Variants in NEK7 observed in about 807,000 individuals in gnomAD.
NEK7 encodes the protein NIMA related kinase 7.
NEK7 carries 18 observed loss-of-function variants against 44.6 expected under a neutral mutation model. The observed-to-expected ratio is 0.40, with a 90% CI of 0.28 to 0.60. The LOEUF is 0.60. Among genes scored for constraint, NEK7 ranks in the 20% least tolerant of loss-of-function variants. The pLI, the probability that NEK7 is intolerant of heterozygous loss-of-function variation, is 0.38. For missense variants in NEK7, 256 were observed against 366.5 expected, an observed-to-expected ratio of 0.70 and a Z score of 2.46; for synonymous variants, 130 against 121.1, an observed-to-expected ratio of 1.07 and a Z score of -0.48.
At chr1:198,243,166 T>A (rs923718959) in intron 2 of NEK7, among the ~76,000 whole-genome samples, 1 of 152,238 alleles carries the variant, frequency 6.6e-6, no homozygotes, top group Non-Finnish European at 1.5e-5. Flanking sequence ...AAATGTTACA[T>A]CCTCAGCAAG....
chr1:198,207,317 CCTTAA>C (rs1174055319), intron 1 of NEK7: 1 of 152,024 alleles, frequency 6.6e-6, no homozygotes, highest in Non-Finnish European at 1.5e-5. Context: ...TTACATTTAT[CCTTAA>C]CTTATTAAAT....
At chr1:198,308,840 TC>T (rs57847375) in intron 9 of NEK7, among the ~76,000 whole-genome samples, 1 of 152,052 alleles carries the variant, frequency 6.6e-6, no homozygotes, top group African/African-American at 2.4e-5. Flanking sequence ...TAGAATTCTC[TC>T]CCCCCCTTTT....
chr1:198,311,561 A>G (rs2103036111), intron 9 of NEK7, among the ~76,000 whole-genome samples: 1 of 151,722 alleles, frequency 6.6e-6, no homozygotes, highest in East Asian at 2.0e-4. Flanking sequence ...TCAGTATGAT[A>G]TTGGCTGTGG....
intron 2 of NEK7, among the ~76,000 whole-genome samples, chr1:198,251,796 A>G (rs922625313): frequency 6.6e-6 from 1 of 151,996 alleles, no homozygotes; most frequent in Non-Finnish European, 1.5e-5. Flanking sequence ...CTAGCAGTCT[A>G]TCAATTTTGT....
intron 3 of NEK7, among the ~76,000 whole-genome samples, chr1:198,257,029 T>A (rs1037225227): frequency 5.9e-5 from 9 of 152,202 alleles, no homozygotes; most frequent in Admixed American, 5.9e-4. Context: ...ACTCTCATTT[T>A]TAAATAATAC....
At chr1:198,252,417 T>G (rs897070695) in intron 2 of NEK7, among the ~76,000 whole-genome samples, 2 of 151,028 alleles carry the variant, frequency 1.3e-5, no homozygotes, top group African/African-American at 4.9e-5. Context: ...TGAGTTCAAT[T>G]CCTGGGTATC....
intron 1 of NEK7, among the ~76,000 whole-genome samples, chr1:198,194,095 A>G (rs1349644939): frequency 6.6e-6 from 1 of 152,252 alleles, no homozygotes; most frequent in Non-Finnish European, 1.5e-5. Context: ...AAAGCTTCTT[A>G]AGCTGATAAG....
intron 7 of NEK7, among the ~76,000 whole-genome samples, chr1:198,281,143 A>C (rs954429757): frequency 6.6e-6 from 1 of 151,986 alleles, no homozygotes; most frequent in Non-Finnish European, 1.5e-5. Flanking sequence ...GAATCAGGAA[A>C]AATTCTCTGC....
chr1:198,250,742 C>A (rs1652922406), intron 2 of NEK7, among the ~76,000 whole-genome samples: 1 of 144,676 alleles, frequency 6.9e-6, no homozygotes, highest in Non-Finnish European at 1.5e-5. Context: ...TATCCTGAGA[C>A]TTTGCTGAAG....
intron 2 of NEK7, among the ~76,000 whole-genome samples, chr1:198,233,356 A>G (rs952345003): frequency 1.3e-5 from 2 of 152,246 alleles, no homozygotes; most frequent in African/African-American, 4.8e-5. Context: ...CAGTATGAAT[A>G]CTTGTCATAA....
rs542294671 is a variant in NEK7, at chr1:198,223,307, A to G, written c.-28-9246A>G. On this transcript the variant is annotated intron_variant, in intron 1 of 9. Coordinates refer to ENST00000367385, the MANE Select transcript of NEK7 (RefSeq NM_133494.3). ...TGTAGGGTAGTAGTAGTGGTAATGG[A>G]GGAACATGAACAAATTTCAGATATA... Among the ~76,000 whole-genome samples the G allele has an allele frequency of 8.8e-4, 134 of 152,338 alleles. 2 individuals are homozygous for G. The highest frequency in any genetic ancestry group is 3.4e-3 in the Middle Eastern group (1 of 294).
At chr1:198,308,522 A>C (rs1655081309) in intron 9 of NEK7, among the ~76,000 whole-genome samples, 1 of 152,202 alleles carries the variant, frequency 6.6e-6, no homozygotes, top group Non-Finnish European at 1.5e-5. Flanking sequence ...ATTTCTGATG[A>C]ATGCTATTTC....
intron 2 of NEK7, among the ~76,000 whole-genome samples, chr1:198,250,140 C>G (rs1463837523): frequency 6.6e-6 from 1 of 150,542 alleles, no homozygotes; most frequent in Non-Finnish European, 1.5e-5. Context: ...ATAGGGAATG[C>G]TTTCCCCATT....
At chr1:198,196,210 C>T (rs1665232127) in intron 1 of NEK7, among the ~76,000 whole-genome samples, 1 of 152,160 alleles carries the variant, frequency 6.6e-6, no homozygotes, top group Non-Finnish European at 1.5e-5. Context: ...CCAATGTCTA[C>T]AAAGCTGTAT....
intron 9 of NEK7, among the ~76,000 whole-genome samples, chr1:198,313,642 C>CA (rs1342020867): frequency 2.9e-5 from 4 of 136,774 alleles, no homozygotes; most frequent in African/African-American, 1.2e-4. Flanking sequence ...CTGGTGGTGA[C>CA]AAAATCTCTC....
intron 7 of NEK7, among the ~76,000 whole-genome samples, chr1:198,285,178 A>G (rs140748960): frequency 1.3e-4 from 20 of 152,176 alleles, no homozygotes; most frequent in Non-Finnish European, 2.9e-4. Flanking sequence ...TCTCCCAGCG[A>G]AATGTAAGTT....
chr1:198,276,290 G>A (rs1224403191), intron 5 of NEK7, among the ~76,000 whole-genome samples: 1 of 151,576 alleles, frequency 6.6e-6, no homozygotes, highest in East Asian at 1.9e-4. Context: ...CCGTATTAAA[G>A]CATAAAAATT....
At chr1:198,216,769 C>A (rs1168459669) in intron 1 of NEK7, among the ~76,000 whole-genome samples, 1 of 151,882 alleles carries the variant, frequency 6.6e-6, no homozygotes, top group Admixed American at 6.6e-5. Flanking sequence ...CAATCAATAT[C>A]ACAGAAATAC....
Position 198,178,686 on chromosome 1 carries a change from TTTGTTG to T in NEK7, c.-29+21433_-29+21438del, listed in dbSNP as rs71133918. ...TTCATGGACCCTCTCCCTGCCATTT[TTTGTTG>T]TTGTTGTTGTTGTTGTTGTTGTCAT... is the stretch of plus-strand genomic sequence containing the variant. On this transcript the variant is annotated intron_variant, in intron 1 of 9. Transcript: ENST00000367385. Among the ~76,000 whole-genome samples, 1,044 of 151,758 alleles carry T rather than the reference TTTGTTG, an allele frequency of 6.9e-3. 18 individuals carry two copies. Among genetic ancestry groups the T allele is most frequent in the African/African-American group, 0.023 (972 of 41,430 alleles).
Sources: gnomAD v4.1 joint callset for allele counts (sites outside exome capture counted in the v4.1 genomes callset) on GRCh38, gnomAD v4.1.1 for gene constraint, MANE v1.5 for transcripts, NCBI Gene and HGNC (gene_info 2026-07-23, HGNC 2026-07-21) for gene names.